Variants in SUCLG2 observed in about 807,000 individuals in gnomAD.
SUCLG2 encodes succinate-CoA ligase GDP-forming subunit beta.
A neutral mutation model predicts 47.9 loss-of-function variants in SUCLG2; 42 were observed. That is an observed-to-expected ratio of 0.88 (90% CI 0.69 to 1.14). SUCLG2 has a LOEUF of 1.14. Among genes scored for constraint, SUCLG2 ranks in the 50% most tolerant of loss-of-function variants. The pLI is 0.00. For synonymous variants in SUCLG2, 195 were observed against 197.3 expected (o/e 0.99, Z 0.10); for missense variants, 571 against 525.9 (o/e 1.09, Z -0.84).
chr3:67,364,303 T>C (rs1701847106), intron 10 of SUCLG2, among the ~76,000 whole-genome samples: 1 of 152,108 alleles, frequency 6.6e-6, no homozygotes, highest in Non-Finnish European at 1.5e-5. Context: ...ACCTCCTACA[T>C]GGGGTCAGTG....
intron 10 of SUCLG2, among the ~76,000 whole-genome samples, chr3:67,398,417 A>G (rs532457123): frequency 4.5e-4 from 69 of 151,942 alleles, no homozygotes; most frequent in Non-Finnish European, 8.4e-4. Context: ...GACACATGAA[A>G]AAATGCTCAT....
At chr3:67,456,623 A>G (rs992916842) in intron 9 of SUCLG2, among the ~76,000 whole-genome samples, 2 of 152,222 alleles carry the variant, frequency 1.3e-5, no homozygotes, top group African/African-American at 4.8e-5. Flanking sequence ...GGTGAAATCA[A>G]TTGTAAGCCA....
intron 2 of SUCLG2, among the ~76,000 whole-genome samples, chr3:67,549,841 G>A (rs1706964982): frequency 1.3e-5 from 2 of 151,890 alleles, no homozygotes; most frequent in Admixed American, 1.3e-4. Flanking sequence ...AGGTTGTAAT[G>A]GATAAATTTT....
chr3:67,404,900 A>C (rs1000539020), intron 9 of SUCLG2, among the ~76,000 whole-genome samples: 1 of 151,994 alleles, frequency 6.6e-6, no homozygotes, highest in African/African-American at 2.4e-5. Flanking sequence ...TACAACCACT[A>C]ACTGCTGTTC....
intron 10 of SUCLG2, among the ~76,000 whole-genome samples, chr3:67,366,401 A>G (rs1359065577): frequency 1.3e-5 from 2 of 152,186 alleles, no homozygotes; most frequent in African/African-American, 4.8e-5. Flanking sequence ...TTGCTTCTCC[A>G]AGTCCTGTCC....
At chr3:67,468,359 G>A (rs1387485854) in intron 9 of SUCLG2, among the ~76,000 whole-genome samples, 6 of 152,162 alleles carry the variant, frequency 3.9e-5, no homozygotes, top group Non-Finnish European at 7.3e-5. Flanking sequence ...GTGCAACTTT[G>A]CCATTCTCAC....
At chr3:67,632,140 T>C (rs556182179) in intron 1 of SUCLG2, among the ~76,000 whole-genome samples, 6 of 152,200 alleles carry the variant, frequency 3.9e-5, no homozygotes, top group African/African-American at 1.2e-4. Context: ...TACAAATAAA[T>C]AGACAAATAA....
At chr3:67,565,345 A>G (rs1187788150) in intron 2 of SUCLG2, among the ~76,000 whole-genome samples, 3 of 152,206 alleles carry the variant, frequency 2.0e-5, no homozygotes, top group Non-Finnish European at 4.4e-5. Context: ...TTTTAAATCA[A>G]TGTACTGTAG....
At chr3:67,612,741 G>A (rs1270712052) in intron 1 of SUCLG2, among the ~76,000 whole-genome samples, 1 of 152,134 alleles carries the variant, frequency 6.6e-6, no homozygotes, top group African/African-American at 2.4e-5. Context: ...GTTAGCACCA[G>A]ATCCCCCAGG....
chr3:67,392,811 T>C (rs1702420345), intron 10 of SUCLG2, among the ~76,000 whole-genome samples: 2 of 148,172 alleles, frequency 1.3e-5, no homozygotes, highest in South Asian at 4.2e-4. Context: ...ACTGTGCTAG[T>C]AGTCACTGTA....
At chr3:67,634,400 T>C (rs1340456238) in intron 1 of SUCLG2, among the ~76,000 whole-genome samples, 1 of 152,198 alleles carries the variant, frequency 6.6e-6, no homozygotes, top group Non-Finnish European at 1.5e-5. Flanking sequence ...TAAAATTATA[T>C]TAAAATTTAA....
intron 6 of SUCLG2, among the ~76,000 whole-genome samples, chr3:67,515,729 C>T (rs769349866): frequency 1.6e-4 from 25 of 152,092 alleles, no homozygotes; most frequent in Non-Finnish European, 3.2e-4. Context: ...TCTACACTGT[C>T]CCATCTGCTC....
intron 10 of SUCLG2, among the ~76,000 whole-genome samples, chr3:67,398,812 T>G (rs113545646): frequency 0.072 from 10,908 of 152,012 alleles, 395 homozygotes; most frequent in Middle Eastern, 0.14. Flanking sequence ...AAAATGTGGC[T>G]CATATACACC....
At chr3:67,641,158 G>T (rs1490315891) in intron 1 of SUCLG2, among the ~76,000 whole-genome samples, 2 of 152,136 alleles carry the variant, frequency 1.3e-5, no homozygotes, top group African/African-American at 4.8e-5. Context: ...CAATAAACCT[G>T]TGCCCCTTTC....
At chr3:67,376,389 C>G in intron 10 of SUCLG2, 2 of 985,418 alleles carry the variant, frequency 2.0e-6, no homozygotes. Flanking sequence ...ATGGCAATCT[C>G]TTGACTGTTC....
chr3:67,552,110 T>C (rs1168676138), intron 2 of SUCLG2, among the ~76,000 whole-genome samples: 1 of 142,778 alleles, frequency 7.0e-6, no homozygotes, highest in Admixed American at 7.4e-5. Flanking sequence ...GGAAACTGAC[T>C]GTCAATTAAA....
rs74798972 is a variant in SUCLG2 at position 67,424,790 on chromosome 3, C to T, written c.1063-23939G>A. On this transcript the variant is annotated intron_variant, in intron 9 of 10. Coordinates refer to ENST00000307227, the MANE Select transcript of SUCLG2 (RefSeq NM_003848.4). ...CCCCAAATGAACTGCTGCAGGACAA[C>T]GATGATTATAGAAGTGGCAGCAGCA... Among the ~76,000 whole-genome samples, 140 of 152,222 alleles carry T rather than the reference C, an allele frequency of 9.2e-4. 1 individual carries two copies. In the East Asian group the frequency reaches 0.024, roughly 26 times the overall value.
intron 6 of SUCLG2, among the ~76,000 whole-genome samples, chr3:67,509,915 TG>T (rs899350517): frequency 8.5e-5 from 13 of 152,174 alleles, no homozygotes; most frequent in African/African-American, 1.9e-4. Context: ...CTGGGTCAGC[TG>T]GTTTCCAGCT....
chr3:67,457,794 T>C (rs545964814), intron 9 of SUCLG2, among the ~76,000 whole-genome samples: 1 of 148,374 alleles, frequency 6.7e-6, no homozygotes, highest in South Asian at 2.2e-4. Flanking sequence ...ACCTTTACCA[T>C]GCATGAGACA....
Sources: allele counts gnomAD v4.1 joint callset (sites outside exome capture counted in the v4.1 genomes callset), GRCh38; gene constraint gnomAD v4.1.1; transcripts MANE v1.5; gene names NCBI Gene and HGNC (gene_info 2026-07-23, HGNC 2026-07-21).